ZNF652: variants seen among roughly 807,000 people sequenced by gnomAD.
ZNF652 encodes zinc finger protein 652.
ZNF652 carries 16 observed loss-of-function variants against 45.2 expected under a neutral mutation model. The observed-to-expected ratio is 0.35, with a 90% confidence interval of 0.24 to 0.54. The LOEUF (loss-of-function observed/expected upper bound fraction) is 0.54, where lower values mean the gene tolerates loss of function less well. ZNF652 is among the 20% of genes least tolerant of loss of function. The pLI is 0.91. For missense variants in ZNF652, 614 were observed against 765.6 expected, an observed-to-expected ratio of 0.80 and a Z score of 2.34; for synonymous variants, 250 against 260.6, an observed-to-expected ratio of 0.96 and a Z score of 0.39.
Position 49,291,276 on chromosome 17 carries a change from G to T in ZNF652, c.*7137C>A, listed in dbSNP as rs1483091039. 1 of 152,200 alleles carries T rather than the reference G, an allele frequency of 6.6e-6. No individual in the cohort carries two copies. The highest frequency in any genetic ancestry group is 2.4e-5 in the African/African-American group (1 of 41,438). 9.4% of individuals were successfully genotyped at this position (152,200 alleles called of 1,614,324 possible). A position where few individuals can be genotyped will look rare whatever the true frequency, so the allele number is the denominator to read the frequency against. On this transcript the variant is annotated 3_prime_UTR_variant, in exon 6 of 6. Coordinates refer to ENST00000430262, the MANE Select transcript of ZNF652 (RefSeq NM_001145365.3). ...CTTTTCACCCATAAAAGACAGGTAG[G>T]GAGGAAGCTGTGTTCATTCAGAGGA...
chr17:49,349,348 G>A (rs1358983132), intron 1 of ZNF652, among the ~76,000 whole-genome samples: 1 of 151,940 alleles, frequency 6.6e-6, no homozygotes, highest in South Asian at 2.1e-4. Flanking sequence ...GCAGTGAGTC[G>A]AGATCACACC....
downstream of ZNF652, among the ~76,000 whole-genome samples, chr17:49,288,142 TTA>T (rs1367054485): frequency 6.6e-6 from 1 of 151,908 alleles, no homozygotes; most frequent in African/African-American, 2.4e-5. Flanking sequence ...TTTTATTCAC[TTA>T]TATAAATAAA....
intron 1 of ZNF652, among the ~76,000 whole-genome samples, chr17:49,340,189 C>T (rs997813004): frequency 2.9e-4 from 44 of 152,048 alleles, no homozygotes; most frequent in African/African-American, 8.0e-4. Flanking sequence ...CCGAGGCGGG[C>T]GGATTACTTG....
At chr17:49,302,382 G>A (rs867023370) in intron 5 of ZNF652, among the ~76,000 whole-genome samples, 2 of 149,786 alleles carry the variant, frequency 1.3e-5, no homozygotes, top group African/African-American at 2.4e-5. Flanking sequence ...TCTGCCTCCT[G>A]GGTTCAAGTG....
intron 1 of ZNF652, among the ~76,000 whole-genome samples, chr17:49,339,489 A>C (rs1431485911): frequency 6.6e-6 from 1 of 152,056 alleles, no homozygotes; most frequent in East Asian, 1.9e-4. Flanking sequence ...TTTTCACATA[A>C]CAGTCAAGTA....
At chr17:49,305,369 C>T (rs917687906) in intron 5 of ZNF652, among the ~76,000 whole-genome samples, 4 of 151,942 alleles carry the variant, frequency 2.6e-5, no homozygotes, top group Non-Finnish European at 4.4e-5. Flanking sequence ...ATCGCTTGAA[C>T]CTGGGAGGCG....
chr17:49,295,227 C>T lies in ZNF652; in HGVS notation c.*3186G>A, dbSNP rs2060933338. On this transcript the variant is annotated 3_prime_UTR_variant, in exon 6 of 6. Transcript: ENST00000430262. ...TTCAATGTTGTGAATATTCTTAATGCATTTCATTATTTATATACAATATGA... is the reference window on the plus strand; with the variant it reads ...TTCAATGTTGTGAATATTCTTAATGTATTTCATTATTTATATACAATATGA... 6.6e-6 allele frequency: 1 copy of T among 150,978 alleles called. No homozygotes were observed. The highest frequency in any genetic ancestry group is 1.5e-5 in the Non-Finnish European group (1 of 67,872). The allele number at this position is 150,978 out of a possible 1,614,324, so 9.4% of individuals were successfully genotyped here.
intron 1 of ZNF652, among the ~76,000 whole-genome samples, chr17:49,332,377 A>G (rs1190955071): frequency 6.6e-6 from 1 of 152,236 alleles, no homozygotes. Flanking sequence ...GTTTTAACCC[A>G]AACATAATGT....
chr17:49,289,352 T>C lies in ZNF652; in HGVS notation c.*9061A>G, dbSNP rs1250905780. 4 of 152,218 alleles carry C rather than the reference T, an allele frequency of 2.6e-5. No homozygotes were observed. The highest frequency in any genetic ancestry group is 1.3e-4 in the Admixed American group (2 of 15,292). 9.4% of individuals were successfully genotyped at this position (152,218 alleles called of 1,614,324 possible). ...CAAGAATAAAATATACAATGCTACA[T>C]TGAGTGGTTAAAAATACACAAAAAA... On this transcript the variant is annotated 3_prime_UTR_variant, in exon 6 of 6. Coordinates refer to ENST00000430262, the MANE Select transcript of ZNF652 (RefSeq NM_001145365.3).
At chr17:49,347,063 A>G (rs2070212250) in intron 1 of ZNF652, among the ~76,000 whole-genome samples, 1 of 152,232 alleles carries the variant, frequency 6.6e-6, no homozygotes, top group Non-Finnish European at 1.5e-5. Context: ...GATTAATAAG[A>G]GTCATGGATT....
At chr17:49,351,624 T>C (rs1411528234) in intron 1 of ZNF652, among the ~76,000 whole-genome samples, 1 of 152,102 alleles carries the variant, frequency 6.6e-6, no homozygotes, top group Non-Finnish European at 1.5e-5. Flanking sequence ...TGTCTCAGGA[T>C]AGAAGTAAAG....
intron 1 of ZNF652, among the ~76,000 whole-genome samples, chr17:49,329,072 C>G (rs2069996168): frequency 6.6e-6 from 1 of 152,138 alleles, no homozygotes; most frequent in South Asian, 2.1e-4. Flanking sequence ...AAATTTTATC[C>G]TTAGCTGGTG....
chr17:49,344,183 A>G (rs1343849509), intron 1 of ZNF652, among the ~76,000 whole-genome samples: 1 of 148,506 alleles, frequency 6.7e-6, no homozygotes, highest in African/African-American at 2.5e-5. Flanking sequence ...CCTGGGGGAC[A>G]GAGCGAGACT....
At position 49,311,993 on chromosome 17, in the gene ZNF652, G is replaced by C; in HGVS notation, c.1098C>G (p.Phe366Leu). The change falls in exon 4 of 6, where the codon TTC becomes TTG. Residue 366 changes from phenylalanine (F) to leucine (L), a missense_variant. Transcript: ENST00000430262. ...PFTCETCGKSFKRSMSLKVHS... is the reference protein window; with the variant it reads ...PFTCETCGKSLKRSMSLKVHS... ...GCACCTTGAGTGACATACTGCGTTTGAATGATTTTCCACAGGTTTCGCATG... is the reference window on the plus strand; with the variant it reads ...GCACCTTGAGTGACATACTGCGTTTCAATGATTTTCCACAGGTTTCGCATG... The C allele has an allele frequency of 6.2e-7, 1 of 1,613,950 alleles. No homozygotes were observed. The highest frequency in any genetic ancestry group is 1.7e-5 in the Admixed American group (1 of 60,008).
chr17:49,341,312 C>T lies in ZNF652; in HGVS notation c.-259+20597G>A, dbSNP rs562718526. On this transcript the variant is annotated intron_variant, in intron 1 of 5. Coordinates refer to ENST00000430262, the MANE Select transcript of ZNF652 (RefSeq NM_001145365.3). ...TCTTAAACTCTGCCTCATTTCAGAG[C>T]ACATCAACTGAAAAAAAAAAAGATG... is the stretch of plus-strand genomic sequence containing the variant. 2.6e-4 allele frequency among the ~76,000 whole-genome samples: 39 copies of T among 151,620 alleles called. 2 individuals carry two copies. The South Asian group carries it at 8.2e-3, about 32-fold the overall frequency.
intron 1 of ZNF652, among the ~76,000 whole-genome samples, chr17:49,319,121 G>T (rs182998372): frequency 1.3e-5 from 2 of 152,140 alleles, no homozygotes; most frequent in East Asian, 3.9e-4. Context: ...CATATAATTT[G>T]CTTTGTGACA....
At chr17:49,335,140 CA>C (rs1273437549) in intron 1 of ZNF652, among the ~76,000 whole-genome samples, 3 of 152,020 alleles carry the variant, frequency 2.0e-5, no homozygotes, top group Admixed American at 2.0e-4. Context: ...ATTTCAATAA[CA>C]AAATCAAATA....
At chr17:49,318,545 A>C (rs2069842908) in intron 1 of ZNF652, among the ~76,000 whole-genome samples, 1 of 152,242 alleles carries the variant, frequency 6.6e-6, no homozygotes, top group Non-Finnish European at 1.5e-5. Flanking sequence ...CTCAGAGCTT[A>C]GCACAGTGTC....
intron 1 of ZNF652, among the ~76,000 whole-genome samples, chr17:49,336,793 GT>G (rs2070087592): frequency 6.6e-6 from 1 of 151,532 alleles, no homozygotes; most frequent in Non-Finnish European, 1.5e-5. Flanking sequence ...CACCCAGCTA[GT>G]TTTTGTATTT....
Sources: gnomAD v4.1 joint callset for allele counts (sites outside exome capture counted in the v4.1 genomes callset) on GRCh38, gnomAD v4.1.1 for gene constraint, MANE v1.5 for transcripts, NCBI Gene and HGNC (gene_info 2026-07-23, HGNC 2026-07-21) for gene names.